Variants in LRMDA observed in about 807,000 individuals in gnomAD.
LRMDA encodes the protein leucine rich melanocyte differentiation associated.
LRMDA carries 18 observed loss-of-function variants against 29.8 expected under a neutral mutation model. That is an observed-to-expected ratio of 0.60 (90% CI 0.42 to 0.90). LRMDA has a LOEUF of 0.90. Among genes scored for constraint, LRMDA ranks in the 40% least tolerant of loss-of-function variants. The pLI is 0.00. For synonymous variants in LRMDA, 125 were observed against 109.4 expected (o/e 1.14, Z -0.89); for missense variants, 273 against 273.9 (o/e 1.00, Z 0.02).
intron 5 of LRMDA, among the ~76,000 whole-genome samples, chr10:76,182,179 A>G (rs1355749727): frequency 6.6e-6 from 1 of 152,140 alleles, no homozygotes; most frequent in Non-Finnish European, 1.5e-5. Context: ...AGGCCTCAGG[A>G]AATCATGGTG....
chr10:75,565,499 G>A (rs3887081), intron 2 of LRMDA, among the ~76,000 whole-genome samples: 91,482 of 152,014 alleles, frequency 0.6, 31,034 homozygotes, highest in East Asian at 0.85. Flanking sequence ...ACAGCTGAGG[G>A]CATTTTCAAA....
chr10:75,550,371 G>C (rs1421759109), intron 2 of LRMDA, among the ~76,000 whole-genome samples: 1 of 152,064 alleles, frequency 6.6e-6, no homozygotes, highest in Non-Finnish European at 1.5e-5. Flanking sequence ...TTGGAACTCT[G>C]TTGTTAGATG....
intron 2 of LRMDA, among the ~76,000 whole-genome samples, chr10:75,919,103 G>A (rs943596689): frequency 3.3e-5 from 5 of 152,210 alleles, no homozygotes; most frequent in Non-Finnish European, 7.3e-5. Context: ...TTAGACAGGA[G>A]GACCTGAGGT....
At chr10:76,222,955 T>C (rs1379868356) in intron 5 of LRMDA, among the ~76,000 whole-genome samples, 1 of 152,204 alleles carries the variant, frequency 6.6e-6, no homozygotes, top group Non-Finnish European at 1.5e-5. Flanking sequence ...GATGAGTTCA[T>C]GTCCTTTGTA....
At chr10:75,523,138 T>C (rs1845379666) in intron 2 of LRMDA, among the ~76,000 whole-genome samples, 2 of 152,158 alleles carry the variant, frequency 1.3e-5, no homozygotes, top group Non-Finnish European at 2.9e-5. Flanking sequence ...GGAAAGCAAA[T>C]GGAGTAATGT....
At chr10:75,837,297 T>G (rs1342438239) in intron 2 of LRMDA, among the ~76,000 whole-genome samples, 1 of 152,178 alleles carries the variant, frequency 6.6e-6, no homozygotes, top group Non-Finnish European at 1.5e-5. Context: ...GAGAAGAGGA[T>G]GCTCTCTGTA....
intron 6 of LRMDA, among the ~76,000 whole-genome samples, chr10:76,512,680 A>G (rs887983657): frequency 1.3e-5 from 2 of 152,210 alleles, no homozygotes; most frequent in African/African-American, 4.8e-5. Flanking sequence ...CTTAGCAATG[A>G]TACCAAAAGC....
At chr10:76,543,852 T>C (rs1843387388) in intron 6 of LRMDA, among the ~76,000 whole-genome samples, 1 of 152,176 alleles carries the variant, frequency 6.6e-6, no homozygotes, top group African/African-American at 2.4e-5. Flanking sequence ...ATTTCAATTG[T>C]ATAGCATTGC....
At chr10:75,658,394 T>G (rs1011240677) in intron 2 of LRMDA, among the ~76,000 whole-genome samples, 1 of 150,264 alleles carries the variant, frequency 6.7e-6, no homozygotes, top group Non-Finnish European at 1.5e-5. Flanking sequence ...AAGACTGGAG[T>G]GTTCAGACTA....
chr10:75,773,175 G>A (rs1843267199), intron 2 of LRMDA, among the ~76,000 whole-genome samples: 1 of 152,106 alleles, frequency 6.6e-6, no homozygotes, highest in African/African-American at 2.4e-5. Context: ...CTACTCACTA[G>A]GTACCAGTAA....
In LRMDA at chr10:76,378,101, C is replaced by T. The variant is rs182657308; in HGVS notation, c.601+53616C>T. ...AGTTCTTTTTGTTAGAGATCTTTTA[C>T]CTTCTTGGTTAAATGTATTTCTAGG... On this transcript the variant is annotated intron_variant, in intron 6 of 6. Coordinates refer to ENST00000611255, the MANE Select transcript of LRMDA (RefSeq NM_001305581.2). Among the ~76,000 whole-genome samples, 3 of 151,740 alleles carry T rather than the reference C, an allele frequency of 2.0e-5. No homozygotes were observed. In the East Asian group the frequency reaches 5.8e-4, roughly 29 times the overall value.
intron 6 of LRMDA, among the ~76,000 whole-genome samples, chr10:76,363,744 T>C (rs1435537572): frequency 6.6e-6 from 1 of 152,160 alleles, no homozygotes; most frequent in Non-Finnish European, 1.5e-5. Flanking sequence ...AGAACTTCTT[T>C]CTTAAAGGCG....
At chr10:76,427,040 T>C (rs1009028645) in intron 6 of LRMDA, among the ~76,000 whole-genome samples, 2 of 152,240 alleles carry the variant, frequency 1.3e-5, no homozygotes, top group Non-Finnish European at 2.9e-5. Flanking sequence ...GGTAGCCTGA[T>C]GCCTCCTGCT....
intron 6 of LRMDA, among the ~76,000 whole-genome samples, chr10:76,402,954 G>A (rs1170251096): frequency 2.0e-5 from 3 of 151,966 alleles, no homozygotes; most frequent in Non-Finnish European, 4.4e-5. Flanking sequence ...AATGAGATTG[G>A]TTCCTTTCCC....
At chr10:76,541,237 A>G (rs1843351003) in intron 6 of LRMDA, among the ~76,000 whole-genome samples, 1 of 152,190 alleles carries the variant, frequency 6.6e-6, no homozygotes, top group Admixed American at 6.5e-5. Flanking sequence ...ATGCTGGCTC[A>G]CGCCTGTAAT....
At chr10:76,012,472 G>T (rs1410974937) in intron 2 of LRMDA, among the ~76,000 whole-genome samples, 1 of 152,102 alleles carries the variant, frequency 6.6e-6, no homozygotes, top group Non-Finnish European at 1.5e-5. Context: ...CGGGGGTTGG[G>T]GGGTGCTTTC....
intron 5 of LRMDA, among the ~76,000 whole-genome samples, chr10:76,186,853 A>G (rs1292770237): frequency 2.0e-5 from 3 of 152,144 alleles, no homozygotes; most frequent in Non-Finnish European, 4.4e-5. Context: ...TTTCTACTCT[A>G]TTAACTGAAT....
intron 6 of LRMDA, among the ~76,000 whole-genome samples, chr10:76,371,608 ACT>A (rs555795382): frequency 6.6e-6 from 1 of 151,920 alleles, no homozygotes; most frequent in Non-Finnish European, 1.5e-5. Context: ...AATAATCAAA[ACT>A]CTGAAATTCA....
At chr10:75,859,638 CACACACACAT>C (rs1238427495) in intron 2 of LRMDA, among the ~76,000 whole-genome samples, 2,300 of 149,490 alleles carry the variant, frequency 0.015, 52 homozygotes, top group East Asian at 0.062. Flanking sequence ...CACACACACA[CACACACACAT>C]ACATCTGGCC....
Sources: gnomAD v4.1 joint callset for allele counts (sites outside exome capture counted in the v4.1 genomes callset) on GRCh38, gnomAD v4.1.1 for gene constraint, MANE v1.5 for transcripts, NCBI Gene and HGNC (gene_info 2026-07-23, HGNC 2026-07-21) for gene names.